Variants in CCDC146 observed in about 807,000 individuals in gnomAD.
CCDC146 encodes the protein coiled-coil domain-containing protein 146.
In CCDC146, 92 loss-of-function variants were observed where a neutral mutation model predicts 119.3. The ratio of observed to expected loss-of-function variants is 0.77; its 90% confidence interval spans 0.65 to 0.92. The LOEUF (loss-of-function observed/expected upper bound fraction) is 0.92. Ranked by LOEUF, CCDC146 falls within the 40% of genes least tolerant of loss-of-function variation. The pLI is 0.00. For synonymous variants in CCDC146, 372 were observed against 371.8 expected, an observed-to-expected ratio of 1.00 and a Z score of -0.01; for missense variants, 1,000 against 1,103.0, an observed-to-expected ratio of 0.91 and a Z score of 1.32.
At chr7:77,137,906 G>C (rs867766879) in intron 1 of CCDC146, among the ~76,000 whole-genome samples, 12 of 150,608 alleles carry the variant, frequency 8.0e-5, no homozygotes, top group Middle Eastern at 3.2e-3. Flanking sequence ...TGTAACAAAA[G>C]TGCAATAGAC....
chr7:77,240,334 GA>G (rs1792819636), intron 3 of CCDC146, among the ~76,000 whole-genome samples: 1 of 152,202 alleles, frequency 6.6e-6, no homozygotes, highest in African/African-American at 2.4e-5. Flanking sequence ...CAGATTGTAA[GA>G]TTCTTGAAGC....
chr7:77,210,205 T>C (rs1732115835), intron 2 of CCDC146, among the ~76,000 whole-genome samples: 1 of 152,244 alleles, frequency 6.6e-6, no homozygotes, highest in Admixed American at 6.5e-5. Context: ...AATCTCTTTG[T>C]GTACACATAT....
intron 9 of CCDC146, among the ~76,000 whole-genome samples, chr7:77,263,456 G>T (rs925439380): frequency 6.6e-6 from 1 of 152,182 alleles, no homozygotes; most frequent in African/African-American, 2.4e-5. Context: ...AGCTTTGGTA[G>T]TTCGAAGCCA....
At position 77,222,517 on chromosome 7, in the gene CCDC146, A is replaced by T. The variant is rs188713650; in HGVS notation, c.157-14430A>T. Among the ~76,000 whole-genome samples the T allele has an allele frequency of 3.0e-4, 46 of 152,330 alleles. No homozygotes were observed. The East Asian group carries it at 7.7e-3, about 26-fold the overall frequency. Reference sequence around the variant, plus strand: ...CTAAGAAGGGAGGTGATCTCAGCACATAAAAGGGGGCCTGAAAGGTGGGTG... The same window carrying T: ...CTAAGAAGGGAGGTGATCTCAGCACTTAAAAGGGGGCCTGAAAGGTGGGTG... On this transcript the variant is annotated intron_variant, in intron 2 of 18. Coordinates refer to ENST00000285871, the MANE Select transcript of CCDC146 (RefSeq NM_020879.3).
chr7:77,293,234 G>A, intron 18 of CCDC146, 34 bp downstream of exon 18: 1 of 1,599,380 alleles, frequency 6.3e-7, no homozygotes, highest in Middle Eastern at 1.7e-4. Context: ...ATTTCTAAAG[G>A]GTGCCAGCAG....
chr7:77,272,730 C>T (rs956973228), intron 9 of CCDC146, among the ~76,000 whole-genome samples: 7 of 152,294 alleles, frequency 4.6e-5, no homozygotes, highest in African/African-American at 1.7e-4. Context: ...CTCTCGTCTT[C>T]ATCACAAAGA....
At chr7:77,178,655 C>T (rs1194377629) in intron 2 of CCDC146, among the ~76,000 whole-genome samples, 1 of 152,126 alleles carries the variant, frequency 6.6e-6, no homozygotes, top group Non-Finnish European at 1.5e-5. Flanking sequence ...TGATTGTTTA[C>T]TACTGTTGTA....
intron 1 of CCDC146, among the ~76,000 whole-genome samples, chr7:77,161,290 T>G (rs1791257478): frequency 6.6e-6 from 1 of 152,166 alleles, no homozygotes; most frequent in Non-Finnish European, 1.5e-5. Context: ...TTACTGGGTA[T>G]ATACCCAAAG....
chr7:77,165,379 A>G (rs1584036043), intron 1 of CCDC146, among the ~76,000 whole-genome samples: 2 of 151,910 alleles, frequency 1.3e-5, no homozygotes, highest in East Asian at 3.8e-4. Context: ...AGTCTGTTGG[A>G]ACAATTGAAC....
intron 2 of CCDC146, chr7:77,198,128 G>T: frequency 2.0e-6 from 2 of 985,368 alleles, no homozygotes; most frequent in Non-Finnish European, 2.4e-6. Context: ...TCACCTAAGC[G>T]GTGAACCTTG....
intron 2 of CCDC146, among the ~76,000 whole-genome samples, chr7:77,236,129 T>C (rs1357803966): frequency 6.6e-6 from 1 of 150,804 alleles, no homozygotes; most frequent in Non-Finnish European, 1.5e-5. Context: ...ACAAATATTC[T>C]CTTTAGTTCT....
chr7:77,233,539 G>C (rs1294947098), intron 2 of CCDC146, among the ~76,000 whole-genome samples: 1 of 151,978 alleles, frequency 6.6e-6, no homozygotes, highest in Non-Finnish European at 1.5e-5. Context: ...TGACACCAGG[G>C]ACCAGTTTCG....
chr7:77,130,884 ACCGCGC>A (rs1299048204), intron 1 of CCDC146, among the ~76,000 whole-genome samples: 1 of 140,740 alleles, frequency 7.1e-6, no homozygotes, highest in African/African-American at 2.7e-5. Flanking sequence ...GGCGTGAGCC[ACCGCGC>A]CCGGCCCTTT....
chr7:77,204,673 A>G (rs1239111458), intron 2 of CCDC146, among the ~76,000 whole-genome samples: 2 of 152,214 alleles, frequency 1.3e-5, no homozygotes, highest in Non-Finnish European at 2.9e-5. Flanking sequence ...ATATTCCACA[A>G]GAGTCTCGGA....
chr7:77,170,849 G>A (rs1156623869), intron 2 of CCDC146, among the ~76,000 whole-genome samples: 1 of 152,026 alleles, frequency 6.6e-6, no homozygotes, highest in Admixed American at 6.6e-5. Context: ...AGAAATACAA[G>A]TCAAAACCAC....
intron 16 of CCDC146, 115 bp downstream of exon 16, chr7:77,287,041 A>T: frequency 9.1e-7 from 1 of 1,104,858 alleles, no homozygotes; most frequent in South Asian, 1.5e-5. Context: ...TATTCTAGTC[A>T]CTAATATAGT....
At chr7:77,288,136 A>G (rs73703306) in intron 17 of CCDC146, among the ~76,000 whole-genome samples, 36,397 of 152,114 alleles carry the variant, frequency 0.24, 5,158 homozygotes, top group African/African-American at 0.38. Context: ...CCTCAGGGTC[A>G]GGGTGGGACT....
intron 1 of CCDC146, among the ~76,000 whole-genome samples, chr7:77,158,712 G>T (rs536621286): frequency 2.0e-5 from 3 of 152,060 alleles, no homozygotes; most frequent in Non-Finnish European, 4.4e-5. Context: ...TAGAGACGGG[G>T]TTTCACCATG....
chr7:77,246,867 G>A (rs958532833), intron 4 of CCDC146, among the ~76,000 whole-genome samples: 5 of 152,096 alleles, frequency 3.3e-5, no homozygotes, highest in African/African-American at 9.7e-5. Flanking sequence ...GCAAGGTTGT[G>A]AATTTTAGAT....
Sources: allele counts gnomAD v4.1 joint callset (sites outside exome capture counted in the v4.1 genomes callset), GRCh38; gene constraint gnomAD v4.1.1; transcripts MANE v1.5; gene names NCBI Gene and HGNC (gene_info 2026-07-23, HGNC 2026-07-21).